The following THADA variants were observed in gnomAD, a reference collection of about 807,000 sequenced individuals.
The protein encoded by THADA is THADA armadillo repeat containing.
A neutral mutation model predicts 219.8 loss-of-function variants in THADA; 213 were observed. The observed-to-expected ratio is 0.97, with a 90% CI of 0.87 to 1.09. The LOEUF (loss-of-function observed/expected upper bound fraction) is 1.09. Ranked by LOEUF, THADA falls within the 50% of genes least tolerant of loss-of-function variation. THADA has a pLI of 0.00. For synonymous variants in THADA, 1,018 were observed against 828.9 expected (o/e 1.23, Z -3.92); for missense variants, 2,956 against 2,311.3 (o/e 1.28, Z -5.72).
chr2:43,245,388 G>C (rs1669042743), intron 36 of THADA, among the ~76,000 whole-genome samples: 1 of 152,032 alleles, frequency 6.6e-6, no homozygotes, highest in African/African-American at 2.4e-5. Context: ...GGTCAGGCTG[G>C]TCTTGAACCC....
intron 29 of THADA, among the ~76,000 whole-genome samples, chr2:43,388,671 C>T (rs1326704260): frequency 1.3e-5 from 2 of 152,144 alleles, no homozygotes; most frequent in African/African-American, 4.8e-5. Flanking sequence ...AATCTCAGCT[C>T]TTATAATCTT....
At chr2:43,387,525 G>A (rs372535355) in intron 29 of THADA, among the ~76,000 whole-genome samples, 7 of 152,094 alleles carry the variant, frequency 4.6e-5, no homozygotes, top group African/African-American at 1.4e-4. Context: ...ACTTCTGCCC[G>A]GGTCAGGAAT....
chr2:43,255,523 G>A (rs956225828), intron 36 of THADA, among the ~76,000 whole-genome samples: 6 of 151,654 alleles, frequency 4.0e-5, no homozygotes, highest in Non-Finnish European at 7.3e-5. Flanking sequence ...GAAGGTGAAG[G>A]ATTAAACAGA....
At chr2:43,444,807 A>C (rs1681310117) in intron 26 of THADA, among the ~76,000 whole-genome samples, 1 of 152,180 alleles carries the variant, frequency 6.6e-6, no homozygotes, top group South Asian at 2.1e-4. Flanking sequence ...AGGAATAGGG[A>C]TCAACAGAGT....
chr2:43,406,154 G>T (rs889191556), intron 28 of THADA, among the ~76,000 whole-genome samples: 1 of 152,178 alleles, frequency 6.6e-6, no homozygotes, highest in South Asian at 2.1e-4. Context: ...GCAACCTGAC[G>T]TGGCAGAAAC....
intron 26 of THADA, among the ~76,000 whole-genome samples, chr2:43,469,991 A>G (rs1298762835): frequency 6.6e-6 from 1 of 152,050 alleles, no homozygotes; most frequent in African/African-American, 2.4e-5. Context: ...CAGGCAGATC[A>G]CTTGAGCTCA....
intron 22 of THADA, among the ~76,000 whole-genome samples, chr2:43,510,009 A>G (rs945772429): frequency 1.3e-5 from 2 of 152,172 alleles, no homozygotes; most frequent in Admixed American, 1.3e-4. Flanking sequence ...TAACAACCAA[A>G]TGTAGTGTGT....
intron 29 of THADA, among the ~76,000 whole-genome samples, chr2:43,344,635 ATTGT>A (rs1308170528): frequency 2.6e-5 from 4 of 152,378 alleles, no homozygotes; most frequent in South Asian, 4.1e-4. Context: ...AGAAAAATAC[ATTGT>A]TTGAGAGTCT....
chr2:43,399,261 C>T (rs1474068977), intron 28 of THADA, among the ~76,000 whole-genome samples: 1 of 152,118 alleles, frequency 6.6e-6, no homozygotes, highest in Non-Finnish European at 1.5e-5. Flanking sequence ...GGTCAGAAGA[C>T]GGTAGACTCT....
intron 35 of THADA, among the ~76,000 whole-genome samples, chr2:43,280,315 C>G (rs542914252): frequency 6.6e-6 from 1 of 152,208 alleles, no homozygotes; most frequent in South Asian, 2.1e-4. Flanking sequence ...AAGCATCAAT[C>G]AAGATTATGC....
At chr2:43,545,330 A>C (rs1303071417) in intron 20 of THADA, among the ~76,000 whole-genome samples, 5 of 151,712 alleles carry the variant, frequency 3.3e-5, no homozygotes, top group Non-Finnish European at 5.9e-5. Context: ...TTGGTCTATA[A>C]TTCTCTTTTT....
chr2:43,248,195 AG>A (rs1669430756), intron 36 of THADA, among the ~76,000 whole-genome samples: 1 of 138,726 alleles, frequency 7.2e-6, no homozygotes, highest in South Asian at 2.3e-4. Flanking sequence ...AGAGAGAGAG[AG>A]AGAGAGAGAG....
intron 36 of THADA, among the ~76,000 whole-genome samples, chr2:43,276,761 G>T (rs1218278698): frequency 6.6e-6 from 1 of 152,038 alleles, no homozygotes; most frequent in Non-Finnish European, 1.5e-5. Flanking sequence ...CTTTGTCCTG[G>T]ATCACAGTGA....
intron 20 of THADA, among the ~76,000 whole-genome samples, chr2:43,546,171 T>C (rs1246855500): frequency 6.6e-6 from 1 of 151,618 alleles, no homozygotes; most frequent in Non-Finnish European, 1.5e-5. Context: ...AGTTTCCATG[T>C]AGTTGAGTGG....
At chr2:43,593,724 C>A (rs942615624) in intron 1 of THADA, among the ~76,000 whole-genome samples, 3 of 151,122 alleles carry the variant, frequency 2.0e-5, no homozygotes, top group Non-Finnish European at 4.4e-5. Context: ...AGCTCAGCCT[C>A]CTGGGTTCAG....
intron 31 of THADA, among the ~76,000 whole-genome samples, chr2:43,303,426 G>A (rs1328886053): frequency 1.3e-5 from 2 of 152,072 alleles, no homozygotes; most frequent in African/African-American, 4.8e-5. Context: ...CCTTGAGCAG[G>A]GATGGCATCA....
intron 26 of THADA, among the ~76,000 whole-genome samples, chr2:43,447,401 C>T (rs1470879244): frequency 6.6e-6 from 1 of 152,152 alleles, no homozygotes; most frequent in Non-Finnish European, 1.5e-5. Flanking sequence ...TAGGCAATTT[C>T]ATTAGGGCCC....
At chr2:43,380,553 CAGA>C (rs1450758325) in intron 29 of THADA, among the ~76,000 whole-genome samples, 1 of 152,086 alleles carries the variant, frequency 6.6e-6, no homozygotes, top group East Asian at 1.9e-4. Flanking sequence ...AATACAGTTG[CAGA>C]AGGACAGAAA....
At chr2:43,234,705 G>A (rs895293327) in intron 36 of THADA, among the ~76,000 whole-genome samples, 1 of 152,208 alleles carries the variant, frequency 6.6e-6, no homozygotes, top group Non-Finnish European at 1.5e-5. Context: ...CCAGGCTGGA[G>A]TACAGTGGCG....
Sources: gnomAD v4.1 joint callset for allele counts (sites outside exome capture counted in the v4.1 genomes callset) on GRCh38, gnomAD v4.1.1 for gene constraint, MANE v1.5 for transcripts, NCBI Gene and HGNC (gene_info 2026-07-23, HGNC 2026-07-21) for gene names.